Variants in ZNF518A observed in about 807,000 individuals in gnomAD.
ZNF518A encodes the protein zinc finger protein 518A.
ZNF518A carries 47 observed loss-of-function variants against 102.7 expected under a neutral mutation model. That is an observed-to-expected ratio of 0.46 (90% confidence interval 0.36 to 0.58). ZNF518A has a LOEUF of 0.58. Among genes scored for constraint, ZNF518A ranks in the 20% least tolerant of loss-of-function variants. ZNF518A has a pLI of 0.00. For missense variants in ZNF518A, 1,793 were observed against 1,699.8 expected, an observed-to-expected ratio of 1.05 and a Z score of -0.96; for synonymous variants, 652 against 594.6, an observed-to-expected ratio of 1.10 and a Z score of -1.40.
In ZNF518A at chr10:96,200,038, A is replaced by G. The variant is rs1554895706; in HGVS notation, n.36-3536A>G. On this transcript the variant is annotated intron_variant and non_coding_transcript_variant, in intron 1 of 2. Coordinates refer to the ZNF518A transcript ENST00000442635. The surrounding 1 kb of genome is among the most constrained non-coding windows in gnomAD (Gnocchi z 4.3). Reference sequence around the variant, plus strand: ...TCTCAAAACAAATAAATAAAATAAAATAAAATAAAAATAATAAATAATAAA... The same window carrying G: ...TCTCAAAACAAATAAATAAAATAAAGTAAAATAAAAATAATAAATAATAAA... The G allele has an allele frequency of 7.6e-7, 1 of 1,311,032 alleles. No individual in the cohort carries two copies. The highest frequency in any genetic ancestry group is 9.9e-7 in the Non-Finnish European group (1 of 1,006,620). 81.2% of individuals were successfully genotyped at this position (1,311,032 alleles called of 1,614,324 possible). A position where few individuals can be genotyped will look rare whatever the true frequency, so the allele number is the denominator to read the frequency against.
At chr10:96,196,463 G>C (rs587600239) in intron 1 of ZNF518A, among the ~76,000 whole-genome samples, 101 of 152,170 alleles carry the variant, frequency 6.6e-4, no homozygotes, top group African/African-American at 2.3e-3. Flanking sequence ...CTGGTACAAG[G>C]GCTATAGTCT....
In ZNF518A at chr10:96,157,738, A is replaced by G. The variant is rs986063685; in HGVS notation, c.1416A>G (p.Ser472=). 7 of 1,613,936 alleles carry G rather than the reference A, an allele frequency of 4.3e-6. No individual in the cohort carries two copies. The highest frequency in any genetic ancestry group is 5.9e-6 in the Non-Finnish European group (7 of 1,179,794). ...AACAAAATGTATGTTCACCAGGCTCACAGTCAGGTGCTGCAAAGGACGGTA... is the reference window on the plus strand; with the variant it reads ...AACAAAATGTATGTTCACCAGGCTCGCAGTCAGGTGCTGCAAAGGACGGTA... The part of the protein sequence containing the change: ...PIKQNVCSPG[S]QSGAAKDGTA... Residue 472 remains serine, a synonymous_variant, in exon 6 of 6, where the codon TCA becomes TCG. Coordinates refer to ENST00000316045, the MANE Select transcript of ZNF518A (RefSeq NM_001330736.2).
downstream of ZNF518A, among the ~76,000 whole-genome samples, chr10:96,166,119 C>T (rs1283104787): frequency 6.6e-6 from 1 of 152,054 alleles, no homozygotes; most frequent in Non-Finnish European, 1.5e-5. Context: ...TGGCGTTAGG[C>T]GTGGGGGGAG....
Position 96,157,120 on chromosome 10 carries a change from T to C in ZNF518A, c.798T>C (p.Tyr266=), listed in dbSNP as rs1211754130. The C allele has an allele frequency of 1.2e-6, 2 of 1,613,840 alleles. No individual in the cohort carries two copies. Among genetic ancestry groups the C allele is most frequent in the Non-Finnish European group, 1.7e-6 (2 of 1,179,794 alleles). ...HSGTFPFTCQ[Y]CSYGATRREH... is the part of the protein sequence containing the mutation. ...GTACTTTTCCCTTCACTTGTCAATA[T>C]TGTAGCTATGGTGCCACCAGGAGAG... Residue 266 remains tyrosine, a synonymous_variant, in exon 6 of 6, where the codon TAT becomes TAC. Transcript: ENST00000316045.
At chr10:96,191,112 G>A (rs2083321711) in intron 1 of ZNF518A, among the ~76,000 whole-genome samples, 1 of 152,094 alleles carries the variant, frequency 6.6e-6, no homozygotes, top group Admixed American at 6.5e-5. Flanking sequence ...TTTATAAAGG[G>A]CAGTTCCCCT....
chr10:96,199,382 C>A, intron 1 of ZNF518A: 1 of 301,842 alleles, frequency 3.3e-6, no homozygotes, highest in South Asian at 2.8e-5. Context: ...TGTTTGCCAT[C>A]TTGACTCAAA....
rs2081282194 is a variant in ZNF518A at position 96,130,635 on chromosome 10, C to T, written c.-570C>T. 1 of 152,358 alleles carries T rather than the reference C, an allele frequency of 6.6e-6. No individual in the cohort carries two copies. Among genetic ancestry groups the T allele is most frequent in the Admixed American group, 6.5e-5 (1 of 15,290 alleles). 9.4% of individuals were successfully genotyped at this position (152,358 alleles called of 1,614,324 possible). On this transcript the variant is annotated 5_prime_UTR_variant, in exon 1 of 6. Transcript: ENST00000316045. The stretch of plus-strand genomic sequence containing the variant: ...GACCGCACCCCTCGAGCTATAGGTT[C>T]GCAGGCCCGACTCGACGGCGTCCCT...
chr10:96,160,084 T>C lies in ZNF518A; in HGVS notation c.3762T>C (p.Ile1254=). Residue 1254 remains isoleucine (I), a synonymous_variant, in exon 6 of 6, where the codon ATT becomes ATC. Transcript: ENST00000316045. ...ATAGAAAAAAGACTTCCAAAAAAAT[T>C]TTTTCAAAAACAAAAACTCATGGAA... ...NFNRKKTSKK[I]FSKTKTHGSK... 6.2e-7 allele frequency: 1 copy of C among 1,608,252 alleles called. No homozygotes were observed. The highest frequency in any genetic ancestry group is 8.5e-7 in the Non-Finnish European group (1 of 1,178,572).
downstream of ZNF518A, among the ~76,000 whole-genome samples, chr10:96,167,551 A>G (rs587752200): frequency 1.3e-5 from 2 of 152,078 alleles, no homozygotes; most frequent in African/African-American, 4.8e-5. Context: ...AGAGATAGAA[A>G]TTTTTTTTAA....
intron 3 of ZNF518A, chr10:96,151,544 C>T (rs2082450948): frequency 6.6e-6 from 1 of 152,226 alleles, no homozygotes; most frequent in Non-Finnish European, 1.5e-5. Flanking sequence ...GTTTTTCACT[C>T]AGGCCTCACT....
intron 1 of ZNF518A, among the ~76,000 whole-genome samples, chr10:96,189,125 A>G (rs1261594925): frequency 5.9e-5 from 9 of 152,174 alleles, no homozygotes; most frequent in Non-Finnish European, 8.8e-5. Flanking sequence ...TGCTACTACT[A>G]TGTCCTATCA....
chr10:96,179,727 A>C (rs1236673006), intron 1 of ZNF518A, among the ~76,000 whole-genome samples: 1 of 152,084 alleles, frequency 6.6e-6, no homozygotes, highest in Non-Finnish European at 1.5e-5. Context: ...GTTGAATGAA[A>C]AAATAACACT....
At chr10:96,138,096 C>T (rs1375783789) in intron 3 of ZNF518A, among the ~76,000 whole-genome samples, 4 of 152,112 alleles carry the variant, frequency 2.6e-5, no homozygotes, top group African/African-American at 9.7e-5. Flanking sequence ...TCTGACCATG[C>T]CTCATTGTCT....
chr10:96,133,422 A>G (rs2081437889), intron 2 of ZNF518A, 161 bp from the exon 3 acceptor site: 1 of 152,196 alleles, frequency 6.6e-6, no homozygotes, highest in Non-Finnish European at 1.5e-5. Context: ...AGTCATGTGA[A>G]TGTCTGGGTG....
chr10:96,201,566 G>A (rs587773584), intron 1 of ZNF518A, among the ~76,000 whole-genome samples: 39 of 152,172 alleles, frequency 2.6e-4, no homozygotes, highest in Non-Finnish European at 4.0e-4. Flanking sequence ...TAAAATACTA[G>A]GTATCAATAG....
rs1233459337 is a variant in ZNF518A, at chr10:96,163,195, A to G, written c.*2421A>G. 4.2e-5 allele frequency: 7 copies of G among 167,040 alleles called. No individual in the cohort carries two copies. The highest frequency in any genetic ancestry group is 1.7e-4 in the African/African-American group (7 of 41,460). 10.3% of individuals were successfully genotyped at this position (167,040 alleles called of 1,614,324 possible). On this transcript the variant is annotated 3_prime_UTR_variant, in exon 6 of 6. Transcript: ENST00000316045. ...CCATTTAAAGTAAGCTTTGTGCTCC[A>G]GATATTCTAGTTGGAACTTTTTCTG...
chr10:96,204,874 G>C (rs2083754793), downstream of ZNF518A: 4 of 436,274 alleles, frequency 9.2e-6, no homozygotes. Flanking sequence ...TGTACATAGA[G>C]ACTGAACCCA....
At chr10:96,187,572 C>T (rs2083279708) in intron 1 of ZNF518A, among the ~76,000 whole-genome samples, 1 of 152,214 alleles carries the variant, frequency 6.6e-6, no homozygotes, top group African/African-American at 2.4e-5. Flanking sequence ...TGATAACACA[C>T]AATCAGGCTT....
intron 1 of ZNF518A, among the ~76,000 whole-genome samples, chr10:96,173,949 CAAAG>C (rs1242490149): frequency 1.1e-4 from 17 of 152,032 alleles, no homozygotes; most frequent in Admixed American, 2.0e-4. Context: ...AACTTAAAAA[CAAAG>C]GAAATTTTGA....
Sources: allele counts gnomAD v4.1 joint callset (sites outside exome capture counted in the v4.1 genomes callset), GRCh38; gene constraint gnomAD v4.1.1; non-coding constraint Gnocchi (gnomAD v3.1); transcripts MANE v1.5; gene names NCBI Gene and HGNC (gene_info 2026-07-23, HGNC 2026-07-21).